CSMD1: variants seen among roughly 807,000 people sequenced by gnomAD.
CSMD1 encodes the protein CUB and Sushi multiple domains 1, also known as CUB and sushi domain-containing protein 1.
A neutral mutation model predicts 417.5 loss-of-function variants in CSMD1; 213 were observed. The observed-to-expected ratio is 0.51, with a 90% confidence interval of 0.46 to 0.57. CSMD1 has a LOEUF of 0.57. CSMD1 is among the 20% of genes least tolerant of loss of function. The pLI is 0.00. For synonymous variants in CSMD1, 2,862 were observed against 1,736.8 expected (o/e 1.65, Z -16.11); for missense variants, 6,923 against 4,529.7 (o/e 1.53, Z -15.17).
intron 1 of CSMD1, among the ~76,000 whole-genome samples, chr8:4,895,220 C>T (rs1207867163): frequency 6.6e-6 from 1 of 152,116 alleles, no homozygotes; most frequent in Non-Finnish European, 1.5e-5. Flanking sequence ...CCATGTACAA[C>T]TAAGACAACC....
chr8:4,180,081 T>A (rs1273726690), intron 3 of CSMD1, among the ~76,000 whole-genome samples: 1 of 152,140 alleles, frequency 6.6e-6, no homozygotes, highest in South Asian at 2.1e-4. Flanking sequence ...TTACTGGGTA[T>A]ATACCCAAAG....
At chr8:4,924,025 A>T (rs1489832195) in intron 1 of CSMD1, among the ~76,000 whole-genome samples, 1 of 152,206 alleles carries the variant, frequency 6.6e-6, no homozygotes, top group Non-Finnish European at 1.5e-5. Context: ...GTCCTCTGTC[A>T]CATCTCAGCT....
chr8:2,961,180 C>G lies in CSMD1; in HGVS notation c.9663G>C (p.Thr3221=). The change falls in exon 62 of 70, where the codon ACG becomes ACC. Residue 3221 remains threonine, a synonymous_variant. Coordinates refer to ENST00000635120, the MANE Select transcript of CSMD1 (RefSeq NM_033225.6). The part of the protein sequence containing the change: ...PAHNTCPDPG[T]PHFGIQNSSR... Reference sequence around the variant, plus strand: ...AGCTATTCTGTATTCCAAAGTGTGGCGTACCAGGGTCTGGGCAGGTGTTAT... The same window carrying G: ...AGCTATTCTGTATTCCAAAGTGTGGGGTACCAGGGTCTGGGCAGGTGTTAT... 6.2e-7 allele frequency: 1 copy of G among 1,601,684 alleles called. No individual in the cohort carries two copies. Among genetic ancestry groups the G allele is most frequent in the South Asian group, 1.1e-5 (1 of 89,760 alleles).
chr8:4,942,987 C>A (rs775883019), intron 1 of CSMD1, among the ~76,000 whole-genome samples: 27 of 152,120 alleles, frequency 1.8e-4, no homozygotes, highest in Non-Finnish European at 5.9e-5. Context: ...CCCAGAAAGT[C>A]AGGCGCTCTC....
rs749076189 is a variant in CSMD1, at chr8:3,621,748, GTTTTATTATTATTATTA to G, written c.1010-4968_1010-4952del. ...GTGCATGCCACCACTCCCAGCTAAT[GTTTTATTATTATTATTA>G]TTTTATTATTATTATTATTATTTTG... is the stretch of plus-strand genomic sequence containing the variant. On this transcript the variant is annotated intron_variant, in intron 7 of 69. Transcript: ENST00000635120. Among the ~76,000 whole-genome samples the G allele has an allele frequency of 6.8e-4, 103 of 151,454 alleles. 1 individual carries two copies. The highest frequency in any genetic ancestry group is 3.0e-3 in the Admixed American group (45 of 15,184).
chr8:3,588,811 G>T (rs1800714140), intron 8 of CSMD1, among the ~76,000 whole-genome samples: 1 of 152,108 alleles, frequency 6.6e-6, no homozygotes, highest in Non-Finnish European at 1.5e-5. Context: ...AATGGGAGAA[G>T]ATGCTGGAGA....
chr8:3,924,862 C>T (rs1809531228), intron 5 of CSMD1, among the ~76,000 whole-genome samples: 1 of 152,094 alleles, frequency 6.6e-6, no homozygotes, highest in South Asian at 2.1e-4. Flanking sequence ...CAAAAATTCT[C>T]ATTTCTTTAG....
chr8:3,264,843 G>A (rs978697988), intron 26 of CSMD1, among the ~76,000 whole-genome samples: 1 of 145,950 alleles, frequency 6.9e-6, no homozygotes, highest in Non-Finnish European at 1.5e-5. Context: ...GATACTATAT[G>A]TGTGGGTGGG....
At chr8:3,300,903 G>T (rs956734396) in intron 25 of CSMD1, among the ~76,000 whole-genome samples, 1 of 135,180 alleles carries the variant, frequency 7.4e-6, no homozygotes, top group African/African-American at 2.8e-5. Context: ...AGGTTGCAGT[G>T]AGCCAGGATT....
At position 3,979,390 on chromosome 8, in the gene CSMD1, G is replaced by A. The variant is rs773858499; in HGVS notation, c.818+18513C>T. Among the ~76,000 whole-genome samples, 58 of 152,200 alleles carry A rather than the reference G, an allele frequency of 3.8e-4. 1 individual carries two copies. Among genetic ancestry groups the A allele is most frequent in the Non-Finnish European group, 1.2e-4 (8 of 68,038 alleles). Reference sequence around the variant, plus strand: ...CTAAGGACAGCTGGAGGAGACATCAGCGCAGCTACAGAGGCTACATGGAAA... The same window carrying A: ...CTAAGGACAGCTGGAGGAGACATCAACGCAGCTACAGAGGCTACATGGAAA... On this transcript the variant is annotated intron_variant, in intron 5 of 69. Transcript: ENST00000635120.
At chr8:4,133,639 A>C (rs1803243534) in intron 3 of CSMD1, among the ~76,000 whole-genome samples, 2 of 152,356 alleles carry the variant, frequency 1.3e-5, no homozygotes, top group South Asian at 4.1e-4. Context: ...GCGAAGAGGA[A>C]AACTCTAAAA....
At chr8:4,051,913 T>TTTCC (rs1482475628) in intron 3 of CSMD1, among the ~76,000 whole-genome samples, 4 of 148,812 alleles carry the variant, frequency 2.7e-5, no homozygotes, top group African/African-American at 5.0e-5. Flanking sequence ...CCTTCCTTCC[T>TTTCC]TTCTTTCTTT....
At chr8:3,710,169 TTTTTTG>T (rs1348723492) in intron 6 of CSMD1, among the ~76,000 whole-genome samples, 1 of 152,122 alleles carries the variant, frequency 6.6e-6, no homozygotes, top group Non-Finnish European at 1.5e-5. Context: ...TGTCTGCAAG[TTTTTTG>T]TTTTTAATTG....
intron 30 of CSMD1, among the ~76,000 whole-genome samples, chr8:3,208,295 G>A (rs1797416808): frequency 1.3e-5 from 2 of 152,112 alleles, no homozygotes; most frequent in South Asian, 4.1e-4. Context: ...AACATCTTCT[G>A]ATCGCTCTGT....
chr8:3,942,789 G>T (rs1014724912), intron 5 of CSMD1, among the ~76,000 whole-genome samples: 1 of 152,112 alleles, frequency 6.6e-6, no homozygotes, highest in African/African-American at 2.4e-5. Context: ...CAGTTACTGG[G>T]ATAAGAAAAA....
At chr8:3,389,590 C>G (rs889548862) in intron 17 of CSMD1, among the ~76,000 whole-genome samples, 1 of 152,050 alleles carries the variant, frequency 6.6e-6, no homozygotes, top group Admixed American at 6.6e-5. Flanking sequence ...TACGGCAAAA[C>G]AGTAATAGGA....
chr8:4,326,644 C>G (rs111819643), intron 3 of CSMD1, among the ~76,000 whole-genome samples: 2,882 of 152,276 alleles, frequency 0.019, 49 homozygotes, highest in Middle Eastern at 0.12. Flanking sequence ...ATAAAAGCAT[C>G]TACCCAACGT....
intron 3 of CSMD1, among the ~76,000 whole-genome samples, chr8:4,313,475 G>A (rs191653155): frequency 3.6e-5 from 5 of 137,960 alleles, no homozygotes; most frequent in East Asian, 2.1e-4. Context: ...GCAGGAACCC[G>A]AAGAGCTCCC....
chr8:3,372,528 A>C (rs776315333), intron 18 of CSMD1, among the ~76,000 whole-genome samples: 10 of 152,162 alleles, frequency 6.6e-5, no homozygotes, highest in Non-Finnish European at 1.5e-4. Context: ...ACATGGTCTG[A>C]ACCTGCCTGT....
Sources: allele counts gnomAD v4.1 joint callset (sites outside exome capture counted in the v4.1 genomes callset), GRCh38; gene constraint gnomAD v4.1.1; transcripts MANE v1.5; gene names NCBI Gene and HGNC (gene_info 2026-07-23, HGNC 2026-07-21).